The following CTNNA3 variants were observed in gnomAD, a reference collection of about 807,000 sequenced individuals.
CTNNA3 encodes the protein catenin alpha-3.
Under a neutral mutation model 95.7 loss-of-function variants are expected in CTNNA3, and 76 were observed. That is an observed-to-expected ratio of 0.79 (90% CI 0.66 to 0.96). The LOEUF (loss-of-function observed/expected upper bound fraction) is 0.96. Among genes scored for constraint, CTNNA3 ranks in the 40% least tolerant of loss-of-function variants. CTNNA3 has a pLI of 0.00. For missense variants in CTNNA3, 1,191 were observed against 1,089.8 expected, an observed-to-expected ratio of 1.09 and a Z score of -1.31; for synonymous variants, 431 against 374.4, an observed-to-expected ratio of 1.15 and a Z score of -1.74.
chr10:67,577,792 A>T (rs968921726), intron 3 of CTNNA3, among the ~76,000 whole-genome samples: 3 of 151,718 alleles, frequency 2.0e-5, no homozygotes, highest in Admixed American at 1.3e-4. Flanking sequence ...TATCTTTGCT[A>T]TTGTAAATAG....
rs1554837127 is a variant in CTNNA3, at chr10:66,695,919, G to GGC, written c.1281+70344_1281+70345insGC. Among the ~76,000 whole-genome samples, 21 of 142,090 alleles carry GGC rather than the reference G, an allele frequency of 1.5e-4. 1 individual carries two copies. The highest frequency in any genetic ancestry group is 9.8e-4 in the Admixed American group (14 of 14,236). 93.2% of individuals were successfully genotyped at this position (142,090 alleles called of 152,430 possible). On this transcript the variant is annotated intron_variant, in intron 9 of 17. Coordinates refer to ENST00000433211, the MANE Select transcript of CTNNA3 (RefSeq NM_013266.4). The stretch of plus-strand genomic sequence containing the variant: ...AAAATTGGGTGAAAGAGACGTAAGG[G>GGC]GGGGGGGCAATAAAAATGTATTTTT...
chr10:66,094,549 C>T (rs916568067), intron 14 of CTNNA3, among the ~76,000 whole-genome samples: 5 of 151,992 alleles, frequency 3.3e-5, no homozygotes, highest in African/African-American at 1.2e-4. Flanking sequence ...AAAGGAGGGA[C>T]CAAGATGGCA....
intron 7 of CTNNA3, among the ~76,000 whole-genome samples, chr10:66,815,524 T>C (rs1239462716): frequency 6.6e-6 from 1 of 152,166 alleles, no homozygotes; most frequent in African/African-American, 2.4e-5. Context: ...TTGACACGAT[T>C]TGAAATATTC....
intron 15 of CTNNA3, among the ~76,000 whole-genome samples, chr10:66,022,028 T>C (rs1342652083): frequency 2.0e-5 from 3 of 151,812 alleles, no homozygotes. Flanking sequence ...TATTATTTTA[T>C]TTTTATTTGT....
At chr10:66,174,897 A>T (rs930330462) in intron 13 of CTNNA3, among the ~76,000 whole-genome samples, 1 of 152,130 alleles carries the variant, frequency 6.6e-6, no homozygotes, top group African/African-American at 2.4e-5. Context: ...CAAATGAAAA[A>T]TTCAACCCGT....
At chr10:66,713,718 C>T (rs938023864) in intron 9 of CTNNA3, among the ~76,000 whole-genome samples, 1 of 152,036 alleles carries the variant, frequency 6.6e-6, no homozygotes, top group African/African-American at 2.4e-5. Context: ...ATTCTATTCT[C>T]GAATCATATC....
intron 17 of CTNNA3, among the ~76,000 whole-genome samples, chr10:65,928,371 A>T (rs1367477576): frequency 6.6e-6 from 1 of 152,144 alleles, no homozygotes; most frequent in African/African-American, 2.4e-5. Context: ...TGACGCTAAC[A>T]TCACTTTCTC....
intron 9 of CTNNA3, among the ~76,000 whole-genome samples, chr10:66,693,938 A>C (rs1847658194): frequency 6.6e-6 from 1 of 152,176 alleles, no homozygotes; most frequent in South Asian, 2.1e-4. Flanking sequence ...AACATACCAG[A>C]ATCTCTGGGA....
intron 14 of CTNNA3, among the ~76,000 whole-genome samples, chr10:66,085,334 C>CA (rs2080940289): frequency 1.3e-5 from 2 of 151,968 alleles, no homozygotes; most frequent in Non-Finnish European, 2.9e-5. Context: ...ATTGAGAAGG[C>CA]ACTGAGGTAG....
At chr10:66,562,889 A>AC (rs1469139910) in intron 10 of CTNNA3, among the ~76,000 whole-genome samples, 1 of 152,154 alleles carries the variant, frequency 6.6e-6, no homozygotes, top group Non-Finnish European at 1.5e-5. Flanking sequence ...CCTAACTCCA[A>AC]CATAGCATAA....
chr10:66,734,523 G>A (rs1849067689), intron 9 of CTNNA3, among the ~76,000 whole-genome samples: 1 of 152,046 alleles, frequency 6.6e-6, no homozygotes, highest in South Asian at 2.1e-4. Flanking sequence ...GAAATGATTA[G>A]TTATATAAAA....
intron 7 of CTNNA3, among the ~76,000 whole-genome samples, chr10:66,819,968 A>G (rs1334585529): frequency 6.6e-6 from 1 of 152,110 alleles, no homozygotes. Flanking sequence ...TCATCCAGCA[A>G]TTCTATTCCT....
intron 1 of CTNNA3, among the ~76,000 whole-genome samples, chr10:67,743,629 A>C (rs1011985257): frequency 2.6e-5 from 4 of 151,452 alleles, no homozygotes; most frequent in South Asian, 2.1e-4. Context: ...CCTATTCAAC[A>C]TAGTGTTGAA....
intron 15 of CTNNA3, among the ~76,000 whole-genome samples, chr10:66,005,144 C>T (rs2078854299): frequency 6.6e-6 from 1 of 152,038 alleles, no homozygotes; most frequent in African/African-American, 2.4e-5. Flanking sequence ...CACTTATGTC[C>T]TTCTCCTTTC....
In CTNNA3 at chr10:66,861,540, G is replaced by A. The variant is rs546693570; in HGVS notation, c.1048-86016C>T. Among the ~76,000 whole-genome samples the A allele has an allele frequency of 1.4e-3, 211 of 152,282 alleles. 1 individual carries two copies. The highest frequency in any genetic ancestry group is 5.0e-3 in the African/African-American group (206 of 41,556). ...TGACACTCCAGCCATCTCAGACCCT[G>A]AACTAGAATAAGCAGGTTGAAAAAT... On this transcript the variant is annotated intron_variant, in intron 7 of 17. Coordinates refer to ENST00000433211, the MANE Select transcript of CTNNA3 (RefSeq NM_013266.4).
chr10:66,151,130 A>G (rs907307281), intron 13 of CTNNA3, among the ~76,000 whole-genome samples: 3 of 152,056 alleles, frequency 2.0e-5, no homozygotes, highest in African/African-American at 7.2e-5. Context: ...AGTTGGTAAT[A>G]TAATATGTAT....
chr10:65,952,008 C>A (rs1296073202), intron 17 of CTNNA3, among the ~76,000 whole-genome samples: 4 of 128,470 alleles, frequency 3.1e-5, no homozygotes, highest in Non-Finnish European at 4.6e-5. Context: ...CCAGACCGGG[C>A]GACAGAGCGA....
intron 1 of CTNNA3, among the ~76,000 whole-genome samples, 184 bp downstream of exon 1, chr10:67,695,816 G>T (rs369480231): frequency 2.6e-5 from 4 of 152,266 alleles, no homozygotes; most frequent in South Asian, 4.1e-4. Flanking sequence ...TAAAATTAGC[G>T]TGAAAGCCTA....
At chr10:67,068,832 G>C (rs934607614) in intron 7 of CTNNA3, among the ~76,000 whole-genome samples, 5 of 152,190 alleles carry the variant, frequency 3.3e-5, no homozygotes, top group African/African-American at 1.2e-4. Context: ...GGCTGAGGCA[G>C]GAAGATCACC....
Sources: allele counts gnomAD v4.1 joint callset (sites outside exome capture counted in the v4.1 genomes callset), GRCh38; gene constraint gnomAD v4.1.1; transcripts MANE v1.5; gene names NCBI Gene and HGNC (gene_info 2026-07-23, HGNC 2026-07-21).